Variants in SHC4 observed in about 807,000 individuals in gnomAD.
SHC4 encodes SHC-transforming protein 4.
Under a neutral mutation model 69.4 loss-of-function variants are expected in SHC4, and 41 were observed. The observed-to-expected ratio is 0.59, with a 90% CI of 0.46 to 0.77. The LOEUF (loss-of-function observed/expected upper bound fraction) is 0.77. Among genes scored for constraint, SHC4 ranks in the 30% least tolerant of loss-of-function variants. The probability of loss-of-function intolerance (pLI) is 0.00; values close to 1 mark genes in which losing one functional copy is unlikely to be tolerated. For synonymous variants in SHC4, 318 were observed against 299.3 expected, an observed-to-expected ratio of 1.06 and a Z score of -0.64; for missense variants, 777 against 783.8, an observed-to-expected ratio of 0.99 and a Z score of 0.10.
chr15:48,888,037 G>C (rs1343218925), intron 3 of SHC4, among the ~76,000 whole-genome samples: 1 of 152,160 alleles, frequency 6.6e-6, no homozygotes, highest in Non-Finnish European at 1.5e-5. Context: ...TGATACAGCT[G>C]CTGTAGAAAA....
rs1480716058 is a variant in SHC4, at chr15:48,825,695, G to A, written c.*276C>T. 2 of 292,264 alleles carry A rather than the reference G, an allele frequency of 6.8e-6. No homozygotes were observed. Among genetic ancestry groups the A allele is most frequent in the Admixed American group, 9.5e-5 (2 of 21,014 alleles). The allele number at this position is 292,264 out of a possible 1,614,324, so 18.1% of individuals were successfully genotyped here. ...GAAATTTTAGTTGTGCTTTTAGCTTGTTATCAATGCAATATGGCCTTAAAA... is the reference window on the plus strand; with the variant it reads ...GAAATTTTAGTTGTGCTTTTAGCTTATTATCAATGCAATATGGCCTTAAAA... On this transcript the variant is annotated 3_prime_UTR_variant, in exon 12 of 12. Transcript: ENST00000332408.
At position 48,826,395 on chromosome 15, in the gene SHC4, C is replaced by T. The variant is rs189345592; in HGVS notation, c.1738-269G>A. On this transcript the variant is annotated intron_variant, in intron 11 of 11. Coordinates refer to ENST00000332408, the MANE Select transcript of SHC4 (RefSeq NM_203349.4). ...GCCCGAGTAACTGGGACTACAGGCA[C>T]GTGCCACCATGCCTGGCTAATTTTT... Among the ~76,000 whole-genome samples the T allele has an allele frequency of 6.1e-4, 93 of 151,982 alleles. 1 individual carries two copies. The East Asian group carries it at 0.014, about 22-fold the overall frequency.
At chr15:48,928,250 G>C (rs994028482) in intron 1 of SHC4, among the ~76,000 whole-genome samples, 1 of 152,136 alleles carries the variant, frequency 6.6e-6, no homozygotes, top group African/African-American at 2.4e-5. Context: ...TTTTGGAGTG[G>C]CAACACACAA....
At chr15:48,938,103 T>C (rs1430634539) in intron 1 of SHC4, 1 of 152,206 alleles carries the variant, frequency 6.6e-6, no homozygotes, top group Non-Finnish European at 1.5e-5. Context: ...CTCTCTGTTG[T>C]TGGAGAAAGT....
intron 1 of SHC4, chr15:48,948,113 G>A (rs1901305993): frequency 6.6e-6 from 1 of 152,212 alleles, no homozygotes; most frequent in Admixed American, 6.5e-5. Flanking sequence ...GATATCTGTT[G>A]TATTCCTAGC....
At chr15:48,855,243 T>G (rs1441784268) in intron 8 of SHC4, among the ~76,000 whole-genome samples, 1 of 151,878 alleles carries the variant, frequency 6.6e-6, no homozygotes, top group Admixed American at 6.6e-5. Flanking sequence ...GTTGAAATTA[T>G]AAAAATAACA....
At chr15:48,902,746 C>T (rs765457579) in intron 2 of SHC4, among the ~76,000 whole-genome samples, 7 of 152,174 alleles carry the variant, frequency 4.6e-5, no homozygotes, top group Non-Finnish European at 7.3e-5. Context: ...GCCATCCTAG[C>T]TCCAGAACTG....
At chr15:48,899,031 C>T (rs1474332343) in intron 2 of SHC4, among the ~76,000 whole-genome samples, 1 of 122,802 alleles carries the variant, frequency 8.1e-6, no homozygotes, top group African/African-American at 3.1e-5. Context: ...ACTTAAAAGC[C>T]AAAGCTCATT....
At chr15:48,859,318 TG>T (rs1899391363) in intron 6 of SHC4, among the ~76,000 whole-genome samples, 1 of 151,466 alleles carries the variant, frequency 6.6e-6, no homozygotes, top group Non-Finnish European at 1.5e-5. Context: ...TGTGTGTGTG[TG>T]TGTGTGTGTG....
chr15:48,897,511 C>T (rs1363165414), intron 2 of SHC4, among the ~76,000 whole-genome samples: 1 of 76,064 alleles, frequency 1.3e-5, no homozygotes, highest in Non-Finnish European at 2.6e-5. Context: ...AATGTCGCCA[C>T]ACACACACAC....
intron 4 of SHC4, chr15:48,878,121 C>T: frequency 2.0e-6 from 3 of 1,507,546 alleles, no homozygotes; most frequent in Non-Finnish European, 2.7e-6. Flanking sequence ...GAACGCACGG[C>T]CGCGCAGCAT....
intron 2 of SHC4, among the ~76,000 whole-genome samples, chr15:48,921,576 C>A (rs546330356): frequency 6.6e-6 from 1 of 152,236 alleles, no homozygotes; most frequent in Admixed American, 6.5e-5. Flanking sequence ...CTCAAGTGAT[C>A]CATCTGCCTC....
intron 2 of SHC4, among the ~76,000 whole-genome samples, chr15:48,906,735 T>C (rs1900411782): frequency 6.6e-6 from 1 of 152,228 alleles, no homozygotes; most frequent in Non-Finnish European, 1.5e-5. Context: ...TGTTTACTGC[T>C]CCTCAGGTTC....
In SHC4 at chr15:48,824,651, C is replaced by T. The variant is rs928958558; in HGVS notation, c.*1320G>A. On this transcript the variant is annotated 3_prime_UTR_variant, in exon 12 of 12. Transcript: ENST00000332408. ...AGCTTAATTTTTTACCTTAACTATA[C>T]AGACTGGTTATCAATAACGACCTCT... 1 of 152,170 alleles carries T rather than the reference C, an allele frequency of 6.6e-6. No homozygotes were observed. Among genetic ancestry groups the T allele is most frequent in the Admixed American group, 6.5e-5 (1 of 15,282 alleles). The allele number at this position is 152,170 out of a possible 1,614,324, so 9.4% of individuals were successfully genotyped here.
At chr15:48,945,807 G>A (rs940254065) in intron 1 of SHC4, 4 of 152,126 alleles carry the variant, frequency 2.6e-5, no homozygotes, top group East Asian at 1.9e-4. Context: ...GCACAATTTC[G>A]TGACTATATG....
At chr15:48,884,913 C>G (rs1900006728) in intron 3 of SHC4, among the ~76,000 whole-genome samples, 1 of 152,146 alleles carries the variant, frequency 6.6e-6, no homozygotes, top group African/African-American at 2.4e-5. Flanking sequence ...CACTGGGCAC[C>G]CTTTTAGGTT....
At chr15:48,837,408 G>C (rs1898918718) in intron 10 of SHC4, among the ~76,000 whole-genome samples, 1 of 152,100 alleles carries the variant, frequency 6.6e-6, no homozygotes, top group Admixed American at 6.5e-5. Context: ...ATCTAGGAAA[G>C]AGAAAAACAA....
At chr15:48,940,765 C>T (rs1460957908) in intron 1 of SHC4, among the ~76,000 whole-genome samples, 2 of 152,134 alleles carry the variant, frequency 1.3e-5, no homozygotes, top group Non-Finnish European at 2.9e-5. Flanking sequence ...CACTGAAGTC[C>T]TAAATGAATG....
intron 2 of SHC4, among the ~76,000 whole-genome samples, chr15:48,916,811 G>A (rs766929218): frequency 6.6e-6 from 1 of 152,188 alleles, no homozygotes; most frequent in African/African-American, 2.4e-5. Flanking sequence ...CCTGGCTTGG[G>A]CAGATCCTGT....
Sources: allele counts gnomAD v4.1 joint callset (sites outside exome capture counted in the v4.1 genomes callset), GRCh38; gene constraint gnomAD v4.1.1; transcripts MANE v1.5; gene names NCBI Gene and HGNC (gene_info 2026-07-23, HGNC 2026-07-21).